OCA2: variants seen among roughly 807,000 people sequenced by gnomAD.
OCA2 encodes the protein OCA2 melanosomal transmembrane protein, also known as P protein.
A neutral mutation model predicts 100.2 loss-of-function variants in OCA2; 77 were observed. The ratio of observed to expected loss-of-function variants is 0.77; its 90% CI spans 0.64 to 0.93. OCA2 has a LOEUF of 0.93. Ranked by LOEUF, OCA2 falls within the 40% of genes least tolerant of loss-of-function variation. The pLI is 0.00. For missense variants in OCA2, 1,062 were observed against 1,089.1 expected, an observed-to-expected ratio of 0.98 and a Z score of 0.35; for synonymous variants, 432 against 439.2, an observed-to-expected ratio of 0.98 and a Z score of 0.21.
Position 27,791,889 on chromosome 15 carries a change from G to A in OCA2, c.2433-36417C>T, listed in dbSNP as rs368229849. On this transcript the variant is annotated intron_variant, in intron 23 of 23. Transcript: ENST00000354638. ...AAACATTTGCCAATGTTTTATGATG[G>A]AGTGGAGCTGACTTCCTAATCTGAA... Among the ~76,000 whole-genome samples, 15 of 152,248 alleles carry A rather than the reference G, an allele frequency of 9.9e-5. No individual in the cohort carries two copies. The South Asian group carries it at 2.9e-3, about 29-fold the overall frequency.
intron 23 of OCA2, among the ~76,000 whole-genome samples, chr15:27,766,661 T>G (rs1030051075): frequency 1.3e-5 from 2 of 152,156 alleles, no homozygotes; most frequent in Non-Finnish European, 2.9e-5. Context: ...TCACCTACCT[T>G]TGGCTAGGTC....
intron 2 of OCA2, among the ~76,000 whole-genome samples, chr15:28,034,644 G>A (rs778868204): frequency 2.6e-5 from 4 of 152,076 alleles, no homozygotes; most frequent in African/African-American, 4.8e-5. Flanking sequence ...GTGTGGTGGT[G>A]TACTCCTGTA....
intron 23 of OCA2, among the ~76,000 whole-genome samples, chr15:27,791,920 C>T (rs28657852): frequency 6.6e-6 from 1 of 152,224 alleles, no homozygotes; most frequent in African/African-American, 2.4e-5. Context: ...CTGAATGTTT[C>T]TCAAGCCCAC....
At chr15:28,084,781 G>A (rs771024800) in intron 1 of OCA2, among the ~76,000 whole-genome samples, 6 of 152,198 alleles carry the variant, frequency 3.9e-5, no homozygotes, top group Admixed American at 2.0e-4. Flanking sequence ...GTTACAGGAG[G>A]CCCCCTCAGA....
intron 19 of OCA2, 26 bp downstream of exon 19, chr15:27,926,101 A>G: frequency 1.9e-6 from 3 of 1,613,780 alleles, no homozygotes; most frequent in South Asian, 2.2e-5. Flanking sequence ...GTAAAATGCC[A>G]TATGGCAAAA....
At chr15:28,026,575 T>G (rs571291414) in intron 4 of OCA2, among the ~76,000 whole-genome samples, 1 of 152,302 alleles carries the variant, frequency 6.6e-6, no homozygotes, top group Non-Finnish European at 1.5e-5. Context: ...CAAGCAGCGA[T>G]GTGGGGGATC....
chr15:27,730,142 T>C, the OCA2 span, among the ~76,000 whole-genome samples: 15 of 152,304 alleles, frequency 9.8e-5, no homozygotes, highest in African/African-American at 2.6e-4. Context: ...TACTAAAAAC[T>C]GGGGGCTCAC....
chr15:27,929,584 C>T (rs886911117), intron 18 of OCA2, among the ~76,000 whole-genome samples: 1 of 151,924 alleles, frequency 6.6e-6, no homozygotes, highest in Non-Finnish European at 1.5e-5. Flanking sequence ...TAAAGGTTTT[C>T]TTAGACATAA....
At chr15:27,850,727 A>T (rs2035717198) in intron 22 of OCA2, among the ~76,000 whole-genome samples, 5 of 152,236 alleles carry the variant, frequency 3.3e-5, no homozygotes, top group Admixed American at 3.3e-4. Context: ...ATACCTGGAT[A>T]TAAGAATAAA....
chr15:27,922,708 T>C (rs1019950983), intron 19 of OCA2, among the ~76,000 whole-genome samples: 1 of 151,660 alleles, frequency 6.6e-6, no homozygotes, highest in African/African-American at 2.4e-5. Context: ...TGTGTGTGTG[T>C]GTGTGTGTGT....
intron 23 of OCA2, among the ~76,000 whole-genome samples, chr15:27,781,789 G>A (rs904373): frequency 0.14 from 20,663 of 152,092 alleles, 2,308 homozygotes; most frequent in East Asian, 0.59. Flanking sequence ...TAAAGGTAAC[G>A]TACATACTGA....
At chr15:27,923,703 G>C (rs1567111358) in intron 19 of OCA2, among the ~76,000 whole-genome samples, 1 of 152,252 alleles carries the variant, frequency 6.6e-6, no homozygotes, top group East Asian at 1.9e-4. Flanking sequence ...TAGTGCAGCT[G>C]TTTGGTTTCT....
At position 27,764,256 on chromosome 15, in the gene OCA2, G is replaced by C. The variant is rs139359249; in HGVS notation, c.2433-8784C>G. On this transcript the variant is annotated intron_variant, in intron 23 of 23. Coordinates refer to ENST00000354638, the MANE Select transcript of OCA2 (RefSeq NM_000275.3). ...AGAGGGGAGAAAGGAGAGGCAGGAG[G>C]GGGAGGAGATTGGCATCAAATGCCA... Among the ~76,000 whole-genome samples the C allele has an allele frequency of 1.8e-3, 281 of 151,922 alleles. 2 individuals carry two copies. Among genetic ancestry groups the C allele is most frequent in the African/African-American group, 6.6e-3 (275 of 41,420 alleles).
chr15:27,908,592 A>T (rs1267876786), intron 19 of OCA2, among the ~76,000 whole-genome samples: 2 of 152,194 alleles, frequency 1.3e-5, no homozygotes, highest in Non-Finnish European at 2.9e-5. Context: ...AAGTAAGGAC[A>T]CACAGCCAGA....
At chr15:27,935,547 A>C (rs184881626) in intron 18 of OCA2, among the ~76,000 whole-genome samples, 3 of 152,316 alleles carry the variant, frequency 2.0e-5, no homozygotes, top group African/African-American at 2.4e-5. Context: ...ACCCCAGCCC[A>C]GGGGGAAACT....
chr15:27,859,415 T>A (rs2036052925), intron 21 of OCA2, among the ~76,000 whole-genome samples: 2 of 152,136 alleles, frequency 1.3e-5, no homozygotes, highest in South Asian at 4.1e-4. Context: ...CAAATTGTGT[T>A]AACTAAGTGA....
rs140824283 is a variant in OCA2, at chr15:28,060,196, C to T, written c.227+21452G>A. Among the ~76,000 whole-genome samples the T allele has an allele frequency of 2.2e-3, 337 of 152,242 alleles. 3 individuals carry two copies. Among genetic ancestry groups the T allele is most frequent in the African/African-American group, 7.7e-3 (320 of 41,530 alleles). ...GTGGGAAGTGTAGGTCCCCAGCATG[C>T]CTGCCTGGAACTGGAGGCCAGGAAT... On this transcript the variant is annotated intron_variant, in intron 2 of 23. Transcript: ENST00000354638.
chr15:27,828,103 C>T (rs1168094518), intron 23 of OCA2, among the ~76,000 whole-genome samples: 1 of 152,144 alleles, frequency 6.6e-6, no homozygotes, highest in Non-Finnish European at 1.5e-5. Context: ...GGTTGGAGCA[C>T]CTAATTTTCA....
chr15:27,973,016 C>T (rs2040855710), intron 14 of OCA2, among the ~76,000 whole-genome samples: 1 of 151,862 alleles, frequency 6.6e-6, no homozygotes, highest in African/African-American at 2.4e-5. Flanking sequence ...CAAGCATGCA[C>T]CACCACGCCC....
Sources: gnomAD v4.1 joint callset for allele counts (sites outside exome capture counted in the v4.1 genomes callset) on GRCh38, gnomAD v4.1.1 for gene constraint, MANE v1.5 for transcripts, NCBI Gene and HGNC (gene_info 2026-07-23, HGNC 2026-07-21) for gene names.